SLC4A4: variants seen among roughly 807,000 people sequenced by gnomAD.
SLC4A4 encodes electrogenic sodium bicarbonate cotransporter 1.
In SLC4A4, 27 loss-of-function variants were observed where a neutral mutation model predicts 111.5. The observed-to-expected ratio is 0.24, with a 90% CI of 0.18 to 0.33. The LOEUF (loss-of-function observed/expected upper bound fraction) is 0.33. Among genes scored for constraint, SLC4A4 ranks in the 10% least tolerant of loss-of-function variants. The pLI is 1.00. For synonymous variants in SLC4A4, 443 were observed against 463.4 expected, an observed-to-expected ratio of 0.96 and a Z score of 0.57; for missense variants, 909 against 1,315.5, an observed-to-expected ratio of 0.69 and a Z score of 4.78.
intron 7 of SLC4A4, among the ~76,000 whole-genome samples, chr4:71,432,627 C>T (rs1723743763): frequency 6.6e-6 from 1 of 151,950 alleles, no homozygotes; most frequent in Admixed American, 6.6e-5. Context: ...TATACCTTCT[C>T]TTTGCTTTTT....
chr4:71,403,725 T>C (rs1720580272), intron 7 of SLC4A4, among the ~76,000 whole-genome samples: 1 of 152,206 alleles, frequency 6.6e-6, no homozygotes. Context: ...GAGGACCTTT[T>C]ATTTTATTCT....
chr4:71,421,504 A>G (rs1341072459), intron 7 of SLC4A4, among the ~76,000 whole-genome samples: 1 of 152,028 alleles, frequency 6.6e-6, no homozygotes, highest in Non-Finnish European at 1.5e-5. Flanking sequence ...CATCTACAGA[A>G]CTCTCCACCC....
At chr4:71,138,726 T>C (rs1743910470) in intron 2 of SLC4A4, among the ~76,000 whole-genome samples, 1 of 152,168 alleles carries the variant, frequency 6.6e-6, no homozygotes, top group African/African-American at 2.4e-5. Context: ...GTTGGGTATG[T>C]TGGGGGCCAG....
chr4:71,363,133 A>G (rs1369726605), intron 6 of SLC4A4, among the ~76,000 whole-genome samples: 1 of 152,260 alleles, frequency 6.6e-6, no homozygotes. Context: ...ACACACCTTT[A>G]GGTATTTTTA....
intron 3 of SLC4A4, among the ~76,000 whole-genome samples, chr4:71,331,200 A>G (rs1727953420): frequency 6.6e-6 from 1 of 152,180 alleles, no homozygotes; most frequent in Admixed American, 6.5e-5. Context: ...AGAACTAGAA[A>G]TACCATTTGA....
chr4:71,091,183 G>C (rs1207898539), intron 1 of SLC4A4, among the ~76,000 whole-genome samples: 1 of 151,958 alleles, frequency 6.6e-6, no homozygotes, highest in South Asian at 2.1e-4. Context: ...CCTGGCCTCA[G>C]GTGATCCACC....
intron 2 of SLC4A4, among the ~76,000 whole-genome samples, chr4:71,254,398 T>C (rs996960392): frequency 1.3e-5 from 2 of 152,168 alleles, no homozygotes; most frequent in Admixed American, 1.3e-4. Flanking sequence ...TGAAAGCATT[T>C]CACAATCTTT....
At chr4:71,468,735 G>A (rs1206151821) in intron 13 of SLC4A4, among the ~76,000 whole-genome samples, 2 of 148,612 alleles carry the variant, frequency 1.3e-5, no homozygotes, top group Admixed American at 6.7e-5. Flanking sequence ...CATGCTCCAT[G>A]AAAAAAAAAA....
At chr4:71,457,726 T>G (rs1726415799) in intron 12 of SLC4A4, among the ~76,000 whole-genome samples, 1 of 152,104 alleles carries the variant, frequency 6.6e-6, no homozygotes, top group African/African-American at 2.4e-5. Context: ...AACTAAACTC[T>G]CTGTAACCAT....
chr4:71,279,296 CA>C (rs1326948030), intron 3 of SLC4A4, among the ~76,000 whole-genome samples: 14 of 152,072 alleles, frequency 9.2e-5, no homozygotes, highest in African/African-American at 3.4e-4. Flanking sequence ...TTGAGTATGA[CA>C]TTTTTTTTTC....
chr4:71,528,491 G>A (rs2149204458), intron 16 of SLC4A4, among the ~76,000 whole-genome samples: 1 of 152,144 alleles, frequency 6.6e-6, no homozygotes, highest in East Asian at 1.9e-4. Flanking sequence ...AGTAATTTGT[G>A]TGTTGTTGAA....
chr4:71,566,426 A>G (rs1737475708), intron 24 of SLC4A4, among the ~76,000 whole-genome samples: 1 of 151,686 alleles, frequency 6.6e-6, no homozygotes, highest in Admixed American at 6.6e-5. Flanking sequence ...AGGCTCATGG[A>G]AAAAGTTTAT....
intron 1 of SLC4A4, among the ~76,000 whole-genome samples, chr4:71,224,376 A>G (rs1718929990): frequency 6.6e-6 from 1 of 152,208 alleles, no homozygotes; most frequent in Non-Finnish European, 1.5e-5. Context: ...CGAATTGGCT[A>G]AAAAGAGGCA....
intron 2 of SLC4A4, among the ~76,000 whole-genome samples, chr4:71,099,691 T>G (rs902023422): frequency 6.6e-6 from 1 of 151,972 alleles, no homozygotes; most frequent in African/African-American, 2.4e-5. Flanking sequence ...TGATAGGCTA[T>G]TAGCTAGACA....
chr4:71,506,892 G>A (rs1731468845), intron 16 of SLC4A4, among the ~76,000 whole-genome samples: 1 of 152,070 alleles, frequency 6.6e-6, no homozygotes, highest in Non-Finnish European at 1.5e-5. Context: ...CCAACAGTGG[G>A]CCTCTCAGTG....
At chr4:71,155,620 C>G (rs1744437405) in intron 2 of SLC4A4, among the ~76,000 whole-genome samples, 1 of 151,920 alleles carries the variant, frequency 6.6e-6, no homozygotes, top group African/African-American at 2.4e-5. Flanking sequence ...TGCATCACGC[C>G]CAGCTAATTA....
chr4:71,119,935 T>C (rs1172261624), intron 2 of SLC4A4, among the ~76,000 whole-genome samples: 1 of 152,138 alleles, frequency 6.6e-6, no homozygotes, highest in African/African-American at 2.4e-5. Flanking sequence ...CTTTCCATTT[T>C]ATTTTGTTTT....
chr4:71,322,209 G>A (rs1056893019), intron 3 of SLC4A4, among the ~76,000 whole-genome samples: 3 of 151,864 alleles, frequency 2.0e-5, no homozygotes, highest in Non-Finnish European at 4.4e-5. Context: ...TTCCTCTCCC[G>A]ATTTTAAAAG....
chr4:71,537,931 T>C (rs1000286543), intron 18 of SLC4A4, among the ~76,000 whole-genome samples: 4 of 152,066 alleles, frequency 2.6e-5, no homozygotes, highest in African/African-American at 7.2e-5. Flanking sequence ...AGGATTTGCT[T>C]CTTCGCGTGG....
Sources: allele counts gnomAD v4.1 joint callset (sites outside exome capture counted in the v4.1 genomes callset), GRCh38; gene constraint gnomAD v4.1.1; transcripts MANE v1.5; gene names NCBI Gene and HGNC (gene_info 2026-07-23, HGNC 2026-07-21).